Variants in CPEB3 observed in about 807,000 individuals in gnomAD.
CPEB3 encodes the protein cytoplasmic polyadenylation element binding protein 3.
A neutral mutation model predicts 67.2 loss-of-function variants in CPEB3; 20 were observed. That is an observed-to-expected ratio of 0.30 (90% CI 0.21 to 0.43). The LOEUF is 0.43. CPEB3 is among the 20% of genes least tolerant of loss of function. CPEB3 has a pLI of 1.00. For synonymous variants in CPEB3, 376 were observed against 393.1 expected (o/e 0.96, Z 0.51); for missense variants, 746 against 968.6 (o/e 0.77, Z 3.05).
chr10:92,088,643 CT>C (rs1434824633), intron 8 of CPEB3, among the ~76,000 whole-genome samples: 1 of 150,844 alleles, frequency 6.6e-6, no homozygotes, highest in Non-Finnish European at 1.5e-5. Context: ...AAAAAAAAAA[CT>C]CACAAGATCC....
At chr10:92,119,365 AT>A (rs1421491757) in intron 6 of CPEB3, among the ~76,000 whole-genome samples, 1 of 152,126 alleles carries the variant, frequency 6.6e-6, no homozygotes, top group Non-Finnish European at 1.5e-5. Flanking sequence ...GTTTCTAAAG[AT>A]GGGGTGGCTG....
rs571525123 is a variant in CPEB3 at position 92,201,706 on chromosome 10, T to A, written c.1006-9070A>T. Reference sequence around the variant, plus strand: ...TTACTGGGCATTGATTTATTAGGTATAACAATAAAGGGGGAGCTTAACCTT... The same window carrying A: ...TTACTGGGCATTGATTTATTAGGTAAAACAATAAAGGGGGAGCTTAACCTT... On this transcript the variant is annotated intron_variant, in intron 2 of 9. Coordinates refer to ENST00000265997, the MANE Select transcript of CPEB3 (RefSeq NM_014912.5). Among the ~76,000 whole-genome samples the A allele has an allele frequency of 1.1e-4, 17 of 152,322 alleles. 1 individual carries two copies. In the East Asian group the frequency reaches 3.3e-3, roughly 29 times the overall value.
rs1329332799 is a variant in CPEB3, at chr10:92,049,908, TAA to T, written c.*2302_*2303del. On this transcript the variant is annotated 3_prime_UTR_variant, in exon 10 of 10. Transcript: ENST00000265997. ...AAAACACAAATAAGCATGAAAAAAA[TAA>T]AGTTACCCATCTGTTAAATCATTTT... 2 of 152,260 alleles carry T rather than the reference TAA, an allele frequency of 1.3e-5. No homozygotes were observed. The highest frequency in any genetic ancestry group is 2.9e-5 in the Non-Finnish European group (2 of 67,936). 9.4% of individuals were successfully genotyped at this position (152,260 alleles called of 1,614,324 possible).
chr10:92,238,071 ACACTATACCTCTCTCAAACTGT>A (rs1851626401), intron 2 of CPEB3, among the ~76,000 whole-genome samples: 1 of 152,186 alleles, frequency 6.6e-6, no homozygotes, highest in Non-Finnish European at 1.5e-5. Context: ...TCTGCACCTG[ACACTATACCTCTCTCAAACTGT>A]CAGCTCTACC....
At chr10:92,149,788 T>C (rs960668459) in intron 4 of CPEB3, among the ~76,000 whole-genome samples, 2 of 152,208 alleles carry the variant, frequency 1.3e-5, no homozygotes, top group African/African-American at 4.8e-5. Flanking sequence ...AACCCCCAGA[T>C]CTACTAATCT....
At chr10:92,134,962 T>G (rs980076125) in intron 6 of CPEB3, among the ~76,000 whole-genome samples, 9 of 152,140 alleles carry the variant, frequency 5.9e-5, no homozygotes, top group African/African-American at 2.2e-4. Flanking sequence ...GCTAGCCATA[T>G]GTAGAAAGCT....
At chr10:92,249,377 CAAAAAAA>C (rs59237572) in intron 1 of CPEB3, among the ~76,000 whole-genome samples, 1 of 120,658 alleles carries the variant, frequency 8.3e-6, no homozygotes, top group African/African-American at 3.1e-5. Context: ...GACTCCGTCT[CAAAAAAA>C]AAAAAAAAAA....
At chr10:92,052,533 G>A (rs1841935096) in intron 9 of CPEB3, 94 bp from the exon 10 acceptor site, 5 of 1,038,772 alleles carry the variant, frequency 4.8e-6, no homozygotes, top group Non-Finnish European at 7.2e-6. Flanking sequence ...TTCAACGTAT[G>A]TCTCAATCAG....
intron 2 of CPEB3, among the ~76,000 whole-genome samples, chr10:92,221,400 G>A (rs1021492148): frequency 2.6e-5 from 4 of 152,178 alleles, no homozygotes; most frequent in African/African-American, 9.7e-5. Context: ...GGCTGAGACA[G>A]GAGAATCTCT....
intron 2 of CPEB3, among the ~76,000 whole-genome samples, chr10:92,208,362 C>G (rs1489942555): frequency 1.3e-5 from 2 of 151,786 alleles, no homozygotes; most frequent in African/African-American, 4.9e-5. Context: ...ACAAATTAAC[C>G]AGATGCTGTC....
intron 1 of CPEB3, among the ~76,000 whole-genome samples, chr10:92,286,233 CCTG>C (rs988080747): frequency 6.6e-6 from 1 of 152,016 alleles, no homozygotes; most frequent in Non-Finnish European, 1.5e-5. Context: ...CCACACCCAG[CCTG>C]CTTTTATTTT....
intron 1 of CPEB3, among the ~76,000 whole-genome samples, chr10:92,263,152 T>C (rs1185390343): frequency 3.3e-5 from 5 of 152,168 alleles, no homozygotes; most frequent in Non-Finnish European, 7.4e-5. Flanking sequence ...CTCGGCTCAC[T>C]GCAACCTCCG....
At chr10:92,103,837 A>C (rs1294571337) in intron 7 of CPEB3, among the ~76,000 whole-genome samples, 1 of 152,234 alleles carries the variant, frequency 6.6e-6, no homozygotes, top group African/African-American at 2.4e-5. Context: ...AACTTTGTCC[A>C]ATGTCTATAT....
intron 1 of CPEB3, among the ~76,000 whole-genome samples, chr10:92,280,921 G>T (rs1417726704): frequency 6.6e-6 from 1 of 151,100 alleles, no homozygotes; most frequent in Admixed American, 6.6e-5. Context: ...CACCACGCCC[G>T]GCTAATTTTT....
chr10:92,225,443 G>A (rs375153110), intron 2 of CPEB3, among the ~76,000 whole-genome samples: 2 of 152,198 alleles, frequency 1.3e-5, no homozygotes, highest in East Asian at 3.9e-4. Flanking sequence ...AGGCTGAGGT[G>A]GGAGGATCTC....
chr10:92,148,019 A>T (rs2133864215), intron 4 of CPEB3, among the ~76,000 whole-genome samples: 1 of 152,240 alleles, frequency 6.6e-6, no homozygotes, highest in African/African-American at 2.4e-5. Flanking sequence ...CAGAGTAAAT[A>T]GTCTGTTTAG....
In CPEB3 at chr10:92,047,177, T is replaced by A. The variant is rs1366891068; in HGVS notation, c.*5035A>T. On this transcript the variant is annotated 3_prime_UTR_variant, in exon 10 of 10. Transcript: ENST00000265997. ...CCACTTCTTGACCCATTTTGGGGTA[T>A]AAAGTCAACAGCATTAATTATAAAA... The A allele has an allele frequency of 1.3e-5, 2 of 151,936 alleles. No individual in the cohort carries two copies. The highest frequency in any genetic ancestry group is 4.8e-5 in the African/African-American group (2 of 41,384). 9.4% of individuals were successfully genotyped at this position (151,936 alleles called of 1,614,324 possible). A position where few individuals can be genotyped will look rare whatever the true frequency, so the allele number is the denominator to read the frequency against.
At chr10:92,158,202 C>T (rs1039892910) in intron 4 of CPEB3, among the ~76,000 whole-genome samples, 1 of 152,046 alleles carries the variant, frequency 6.6e-6, no homozygotes, top group African/African-American at 2.4e-5. Flanking sequence ...AGATACTGTT[C>T]AACTTGACTG....
chr10:92,145,982 G>A (rs1235321549), intron 4 of CPEB3, among the ~76,000 whole-genome samples: 3 of 152,044 alleles, frequency 2.0e-5, no homozygotes, highest in African/African-American at 4.8e-5. Context: ...ATAAACATAC[G>A]CAATAATAAA....
Sources: allele counts gnomAD v4.1 joint callset (sites outside exome capture counted in the v4.1 genomes callset), GRCh38; gene constraint gnomAD v4.1.1; transcripts MANE v1.5; gene names NCBI Gene and HGNC (gene_info 2026-07-23, HGNC 2026-07-21).